Variants in CEP128 observed in about 807,000 individuals in gnomAD.
CEP128 encodes the protein centrosomal protein 128kDa.
Under a neutral mutation model 156.7 loss-of-function variants are expected in CEP128, and 132 were observed. The observed-to-expected ratio is 0.84, with a 90% CI of 0.73 to 0.97. CEP128 has a LOEUF of 0.97. Among genes scored for constraint, CEP128 ranks in the 50% least tolerant of loss-of-function variants. The probability of loss-of-function intolerance (pLI) is 0.00; values close to 1 mark genes in which losing one functional copy is unlikely to be tolerated. For synonymous variants in CEP128, 469 were observed against 448.9 expected (o/e 1.04, Z -0.57); for missense variants, 1,252 against 1,281.9 (o/e 0.98, Z 0.36).
intron 19 of CEP128, among the ~76,000 whole-genome samples, chr14:80,682,518 C>T (rs544531330): frequency 5.3e-5 from 8 of 152,246 alleles, no homozygotes; most frequent in South Asian, 2.1e-4. Flanking sequence ...ACCTGAGAAA[C>T]GTATTCGAGG....
At chr14:80,741,612 A>AC (rs1446344692) in intron 19 of CEP128, among the ~76,000 whole-genome samples, 6 of 152,160 alleles carry the variant, frequency 3.9e-5, no homozygotes. Flanking sequence ...AATGTCACTT[A>AC]CTATGACATT....
intron 19 of CEP128, among the ~76,000 whole-genome samples, chr14:80,593,560 A>G (rs1040395941): frequency 1.1e-4 from 16 of 150,922 alleles, no homozygotes; most frequent in African/African-American, 2.9e-4. Context: ...AAAAAAAAAA[A>G]AAAAAGAAAA....
In CEP128 at chr14:80,538,684, C is replaced by T. The variant is rs544903450; in HGVS notation, c.2881-7798G>A. Reference sequence around the variant, plus strand: ...ACACGTTCCCTCACCTAATTCAGCACGCATATCATCAACTCCACTTCATTA... The same window carrying T: ...ACACGTTCCCTCACCTAATTCAGCATGCATATCATCAACTCCACTTCATTA... On this transcript the variant is annotated intron_variant, in intron 21 of 24. Transcript: ENST00000555265. 9.9e-4 allele frequency among the ~76,000 whole-genome samples: 150 copies of T among 152,274 alleles called. 3 individuals carry two copies. The South Asian group carries it at 0.023, about 24-fold the overall frequency.
chr14:80,922,441 T>G (rs1308378425), intron 2 of CEP128, among the ~76,000 whole-genome samples: 1 of 152,186 alleles, frequency 6.6e-6, no homozygotes, highest in African/African-American at 2.4e-5. Context: ...GCTGTGTAGT[T>G]TTACTGAAGT....
intron 19 of CEP128, among the ~76,000 whole-genome samples, chr14:80,635,332 A>G (rs1333643134): frequency 1.3e-5 from 2 of 152,210 alleles, no homozygotes; most frequent in African/African-American, 4.8e-5. Context: ...ACAGTACATT[A>G]TAAGATGAAT....
At chr14:80,649,259 C>T (rs186831389) in intron 19 of CEP128, among the ~76,000 whole-genome samples, 1 of 152,154 alleles carries the variant, frequency 6.6e-6, no homozygotes, top group East Asian at 1.9e-4. Context: ...TCTTCCCCAC[C>T]CCTCCTTAAC....
intron 8 of CEP128, among the ~76,000 whole-genome samples, 194 bp from the exon 9 acceptor site, chr14:80,863,067 A>G (rs1566678554): frequency 6.6e-6 from 1 of 152,214 alleles, no homozygotes. Context: ...AAAGAAAGTC[A>G]TCACTGATCT....
chr14:80,647,062 T>G (rs1259853109), intron 19 of CEP128, among the ~76,000 whole-genome samples: 2 of 19,318 alleles, frequency 1.0e-4, no homozygotes, highest in Non-Finnish European at 3.9e-4. Flanking sequence ...TATATATATA[T>G]ATATATATAT....
intron 13 of CEP128, among the ~76,000 whole-genome samples, chr14:80,801,938 G>C (rs75470798): frequency 4.6e-5 from 2 of 43,782 alleles, no homozygotes; most frequent in African/African-American, 1.3e-4. Flanking sequence ...AAAAAAAAAA[G>C]CTCAACATCA....
chr14:80,636,349 T>C (rs899771852), intron 19 of CEP128, among the ~76,000 whole-genome samples: 1 of 152,236 alleles, frequency 6.6e-6, no homozygotes, highest in Non-Finnish European at 1.5e-5. Context: ...GGAAGACAAG[T>C]TGTTCTATAG....
chr14:80,542,363 T>C (rs933880473), intron 21 of CEP128, among the ~76,000 whole-genome samples: 1 of 152,172 alleles, frequency 6.6e-6, no homozygotes. Flanking sequence ...TTAGAAATAT[T>C]GTGGCAAGAA....
At chr14:80,863,428 C>T (rs769072365) in intron 8 of CEP128, among the ~76,000 whole-genome samples, 1 of 152,114 alleles carries the variant, frequency 6.6e-6, no homozygotes, top group Non-Finnish European at 1.5e-5. Context: ...AAACTAAAGT[C>T]AAACTGAAAA....
intron 13 of CEP128, among the ~76,000 whole-genome samples, chr14:80,806,674 C>T (rs535531947): frequency 6.6e-6 from 1 of 152,200 alleles, no homozygotes; most frequent in Middle Eastern, 3.4e-3. Context: ...TGAGGTAGAA[C>T]AACTTGGTTA....
rs144433985 is a variant in CEP128 at position 80,948,594 on chromosome 14, G to A, written c.-171-9054C>T. ...TCTGAAAAAAGATAAAACACACAGAGGCATAAATTGCCAAACACCACTTTC... is the reference window on the plus strand; with the variant it reads ...TCTGAAAAAAGATAAAACACACAGAAGCATAAATTGCCAAACACCACTTTC... On this transcript the variant is annotated intron_variant, in intron 2 of 7. Coordinates refer to the CEP128 transcript ENST00000555529. Among the ~76,000 whole-genome samples the A allele has an allele frequency of 1.2e-3, 176 of 152,254 alleles. 1 individual carries two copies. Among genetic ancestry groups the A allele is most frequent in the East Asian group, 0.01 (52 of 5,176 alleles).
At chr14:80,911,036 T>C (rs1267441220) in intron 4 of CEP128, among the ~76,000 whole-genome samples, 1 of 152,194 alleles carries the variant, frequency 6.6e-6, no homozygotes, top group Non-Finnish European at 1.5e-5. Context: ...TTTTGATATC[T>C]CTATTTGGAA....
At chr14:80,596,906 G>C (rs1365682802) in intron 19 of CEP128, among the ~76,000 whole-genome samples, 1 of 146,388 alleles carries the variant, frequency 6.8e-6, no homozygotes, top group Non-Finnish European at 1.5e-5. Flanking sequence ...AAATTTGTAG[G>C]ACAAAGCTGA....
At chr14:80,583,511 C>T (rs922276945) in intron 19 of CEP128, among the ~76,000 whole-genome samples, 3 of 152,086 alleles carry the variant, frequency 2.0e-5, no homozygotes, top group African/African-American at 4.8e-5. Flanking sequence ...CTAAGCAACA[C>T]CAGAGGTGTC....
At chr14:80,751,728 G>A (rs1595346623) in intron 18 of CEP128, among the ~76,000 whole-genome samples, 2 of 150,410 alleles carry the variant, frequency 1.3e-5, no homozygotes, top group South Asian at 4.2e-4. Flanking sequence ...CTCCTGGGTT[G>A]AAGCGATTCT....
intron 2 of CEP128, among the ~76,000 whole-genome samples, chr14:80,924,066 G>A (rs1440949407): frequency 6.6e-6 from 1 of 152,162 alleles, no homozygotes; most frequent in African/African-American, 2.4e-5. Context: ...GCGGAACTGT[G>A]AGTCAATTAA....
Sources: allele counts gnomAD v4.1 joint callset (sites outside exome capture counted in the v4.1 genomes callset), GRCh38; gene constraint gnomAD v4.1.1; transcripts MANE v1.5; gene names NCBI Gene and HGNC (gene_info 2026-07-23, HGNC 2026-07-21).